PRICKLE1: variants seen among roughly 807,000 people sequenced by gnomAD.
The protein encoded by PRICKLE1 is prickle-like protein 1.
A neutral mutation model predicts 70.2 loss-of-function variants in PRICKLE1; 14 were observed. The ratio of observed to expected loss-of-function variants is 0.20; its 90% CI spans 0.13 to 0.31. The LOEUF (loss-of-function observed/expected upper bound fraction) is 0.31. Among genes scored for constraint, PRICKLE1 ranks in the 10% least tolerant of loss-of-function variants. The pLI, the probability that PRICKLE1 is intolerant of heterozygous loss-of-function variation, is 1.00. For missense variants in PRICKLE1, 821 were observed against 1,026.2 expected (o/e 0.80, Z 2.73); for synonymous variants, 357 against 379.9 (o/e 0.94, Z 0.70).
intron 1 of PRICKLE1, among the ~76,000 whole-genome samples, chr12:42,513,851 G>T (rs764328293): frequency 6.6e-5 from 10 of 152,002 alleles, no homozygotes; most frequent in African/African-American, 2.2e-4. Flanking sequence ...CAAAAAATTA[G>T]CCAGGCGTGG....
chr12:42,531,604 A>G (rs1351770258), intron 1 of PRICKLE1, among the ~76,000 whole-genome samples: 3 of 152,200 alleles, frequency 2.0e-5, no homozygotes, highest in African/African-American at 7.2e-5. Flanking sequence ...AGGAGAAAGG[A>G]TAACATTGAG....
chr12:42,459,833 C>T lies in PRICKLE1; in HGVS notation c.2472G>A (p.Lys824=), dbSNP rs1937730741. 2 of 1,613,976 alleles carry T rather than the reference C, an allele frequency of 1.2e-6. No individual in the cohort carries two copies. The highest frequency in any genetic ancestry group is 1.6e-4 in the Middle Eastern group (1 of 6,084). Reference sequence around the variant, plus strand: ...GTTAAGAAATAATACAATTTTTGCCCTTGTGTCCCTTTTTCTTCTTGGATT... The same window carrying T: ...GTTAAGAAATAATACAATTTTTGCCTTTGTGTCCCTTTTTCTTCTTGGATT... ...TTKSKKKKGH[K]GKNCIIS Residue 824 remains lysine (K), a synonymous_variant, in exon 8 of 8, where the codon AAG becomes AAA. Coordinates refer to ENST00000345127, the MANE Select transcript of PRICKLE1 (RefSeq NM_153026.3).
intron 1 of PRICKLE1, among the ~76,000 whole-genome samples, chr12:42,509,459 G>A (rs1315775018): frequency 6.6e-6 from 1 of 152,118 alleles, no homozygotes; most frequent in African/African-American, 2.4e-5. Context: ...TGCTCCCACA[G>A]CACCATCACT....
intron 1 of PRICKLE1, among the ~76,000 whole-genome samples, chr12:42,509,015 C>T (rs1246503680): frequency 6.6e-6 from 1 of 152,200 alleles, no homozygotes; most frequent in Non-Finnish European, 1.5e-5. Flanking sequence ...ATTTTAGAAC[C>T]TGTTGCTCCA....
At chr12:42,468,431 T>C (rs1420122640) in intron 5 of PRICKLE1, among the ~76,000 whole-genome samples, 195 bp downstream of exon 5, 1 of 152,230 alleles carries the variant, frequency 6.6e-6, no homozygotes, top group East Asian at 1.9e-4. Flanking sequence ...TTGACCATTA[T>C]GGCAAAAAAC....
At chr12:42,492,525 G>A (rs1248377724) in intron 1 of PRICKLE1, among the ~76,000 whole-genome samples, 1 of 152,150 alleles carries the variant, frequency 6.6e-6, no homozygotes, top group Non-Finnish European at 1.5e-5. Context: ...AAAACAGCCA[G>A]CAAAGCTTTC....
At chr12:42,562,862 T>A (rs1419435142) in intron 1 of PRICKLE1, among the ~76,000 whole-genome samples, 1 of 152,148 alleles carries the variant, frequency 6.6e-6, no homozygotes, top group Non-Finnish European at 1.5e-5. Context: ...TAGCTTACAT[T>A]CAAGTTTTGG....
chr12:42,562,969 G>T (rs1211476678), intron 1 of PRICKLE1, among the ~76,000 whole-genome samples: 1 of 151,548 alleles, frequency 6.6e-6, no homozygotes, highest in Non-Finnish European at 1.5e-5. Context: ...GCGGGCCTGA[G>T]GTCAGGAGTT....
Position 42,481,853 on chromosome 12 carries a change from A to C in PRICKLE1, c.-48-9289T>G, listed in dbSNP as rs117203111. Reference sequence around the variant, plus strand: ...AGACACTAAACTGTCATTTCTTTAAAGGTTTCACACACTCAAGGGGCATTC... The same window carrying C: ...AGACACTAAACTGTCATTTCTTTAACGGTTTCACACACTCAAGGGGCATTC... On this transcript the variant is annotated intron_variant, in intron 1 of 7. Transcript: ENST00000345127. Among the ~76,000 whole-genome samples, 784 of 150,146 alleles carry C rather than the reference A, an allele frequency of 5.2e-3. 5 individuals carry two copies. The highest frequency in any genetic ancestry group is 8.2e-3 in the Non-Finnish European group (544 of 66,532).
intron 5 of PRICKLE1, 112 bp downstream of exon 5, chr12:42,468,514 G>A: frequency 1.1e-6 from 1 of 928,884 alleles, no homozygotes. Flanking sequence ...TTTAAAACAT[G>A]CACACAGAAC....
rs141896748 is a variant in PRICKLE1 at position 42,500,517 on chromosome 12, T to C, written c.-48-27953A>G. On this transcript the variant is annotated intron_variant, in intron 1 of 7. Coordinates refer to ENST00000345127, the MANE Select transcript of PRICKLE1 (RefSeq NM_153026.3). ...AAGAGAGACCATGAGCATGGTTCAG[T>C]TGTTAGTTTGTGTGTAACGCATTCT... Among the ~76,000 whole-genome samples, 274 of 152,292 alleles carry C rather than the reference T, an allele frequency of 1.8e-3. 1 individual carries two copies. The highest frequency in any genetic ancestry group is 6.2e-3 in the African/African-American group (259 of 41,552).
At chr12:42,507,718 G>A (rs1939443909) in intron 1 of PRICKLE1, among the ~76,000 whole-genome samples, 1 of 152,238 alleles carries the variant, frequency 6.6e-6, no homozygotes, top group African/African-American at 2.4e-5. Context: ...CCTAAATGAT[G>A]TTGACTGACA....
At chr12:42,463,944 G>C (rs1207578407) in intron 7 of PRICKLE1, among the ~76,000 whole-genome samples, 10 of 152,132 alleles carry the variant, frequency 6.6e-5, no homozygotes, top group Non-Finnish European at 1.5e-4. Context: ...TGTTTGTTTT[G>C]CTAGTGTTTG....
chr12:42,484,294 C>G (rs1254589850), intron 1 of PRICKLE1: 1 of 152,158 alleles, frequency 6.6e-6, no homozygotes, highest in African/African-American at 2.4e-5. Context: ...CCGCTCCATT[C>G]TCCCGAGCCC....
chr12:42,525,551 A>G (rs1303189826), intron 1 of PRICKLE1, among the ~76,000 whole-genome samples: 1 of 152,124 alleles, frequency 6.6e-6, no homozygotes, highest in Non-Finnish European at 1.5e-5. Context: ...GAGTGTCAGA[A>G]TTGAATTGAA....
At chr12:42,489,529 C>T (rs1028063910) in intron 1 of PRICKLE1, among the ~76,000 whole-genome samples, 10 of 150,906 alleles carry the variant, frequency 6.6e-5, no homozygotes, top group Non-Finnish European at 1.3e-4. Flanking sequence ...GGCATGGTGG[C>T]AGACGACTTA....
chr12:42,512,252 C>T (rs1409297885), intron 1 of PRICKLE1, among the ~76,000 whole-genome samples: 1 of 152,162 alleles, frequency 6.6e-6, no homozygotes, highest in Non-Finnish European at 1.5e-5. Flanking sequence ...TTCACTGCAA[C>T]CTCTGCCTCC....
rs59416365 is a variant in PRICKLE1 at position 42,537,720 on chromosome 12, G to A, written c.-49+51745C>T. Among the ~76,000 whole-genome samples, 728 of 152,224 alleles carry A rather than the reference G, an allele frequency of 4.8e-3. 7 individuals are homozygous for A. The highest frequency in any genetic ancestry group is 0.017 in the African/African-American group (702 of 41,544). On this transcript the variant is annotated intron_variant, in intron 1 of 7. Transcript: ENST00000345127. Reference sequence around the variant, plus strand: ...TCATATGTGCTGATTAGCAAACTACGCTCTCCTCCTTTGTGGAACCACTAC... The same window carrying A: ...TCATATGTGCTGATTAGCAAACTACACTCTCCTCCTTTGTGGAACCACTAC...
At chr12:42,522,538 T>A (rs549269868) in intron 1 of PRICKLE1, among the ~76,000 whole-genome samples, 7 of 152,210 alleles carry the variant, frequency 4.6e-5, no homozygotes, top group African/African-American at 1.7e-4. Flanking sequence ...TATATGAAAA[T>A]GTATCTTGCT....
Sources: allele counts gnomAD v4.1 joint callset (sites outside exome capture counted in the v4.1 genomes callset), GRCh38; gene constraint gnomAD v4.1.1; transcripts MANE v1.5; gene names NCBI Gene and HGNC (gene_info 2026-07-23, HGNC 2026-07-21).